Variants in ASTN2 observed in about 807,000 individuals in gnomAD.
ASTN2 encodes astrotactin-2.
ASTN2 carries 54 observed loss-of-function variants against 139.8 expected under a neutral mutation model. The observed-to-expected ratio is 0.39, with a 90% CI of 0.31 to 0.48. The LOEUF is 0.48. Among genes scored for constraint, ASTN2 ranks in the 20% least tolerant of loss-of-function variants. ASTN2 has a pLI of 0.95. For synonymous variants in ASTN2, 756 were observed against 719.5 expected, an observed-to-expected ratio of 1.05 and a Z score of -0.81; for missense variants, 1,565 against 1,725.1, an observed-to-expected ratio of 0.91 and a Z score of 1.64.
chr9:117,234,403 C>G (rs1002083985), intron 2 of ASTN2, among the ~76,000 whole-genome samples: 2 of 152,176 alleles, frequency 1.3e-5, no homozygotes, highest in Non-Finnish European at 2.9e-5. Context: ...CTGAACCGGC[C>G]ATGTGTCTCC....
intron 10 of ASTN2, among the ~76,000 whole-genome samples, chr9:116,918,805 T>C (rs1834522409): frequency 6.6e-6 from 1 of 152,228 alleles, no homozygotes; most frequent in Admixed American, 6.5e-5. Context: ...TACAGTCTTA[T>C]AAACATAAGT....
chr9:117,358,072 C>T (rs1337502225), intron 1 of ASTN2, among the ~76,000 whole-genome samples: 2 of 152,124 alleles, frequency 1.3e-5, no homozygotes. Flanking sequence ...CTATCCCAGA[C>T]CCCGATATGG....
intron 10 of ASTN2, among the ~76,000 whole-genome samples, chr9:116,909,709 G>A (rs1398033160): frequency 1.3e-5 from 2 of 152,192 alleles, no homozygotes; most frequent in African/African-American, 2.4e-5. Flanking sequence ...AGCAGGGAGA[G>A]TGAGCTGCCT....
At chr9:116,671,601 A>G (rs1208401440) in intron 16 of ASTN2, among the ~76,000 whole-genome samples, 3 of 152,174 alleles carry the variant, frequency 2.0e-5, no homozygotes, top group Non-Finnish European at 4.4e-5. Flanking sequence ...GCTCCCAAGC[A>G]ACAGAATATG....
intron 1 of ASTN2, among the ~76,000 whole-genome samples, chr9:117,409,271 T>G (rs567977731): frequency 1.3e-5 from 2 of 152,280 alleles, no homozygotes; most frequent in South Asian, 4.1e-4. Flanking sequence ...TGACTATTTA[T>G]AAGGATTTTT....
chr9:117,211,702 A>G (rs1160704455), intron 3 of ASTN2, among the ~76,000 whole-genome samples: 3 of 152,164 alleles, frequency 2.0e-5, no homozygotes, highest in Non-Finnish European at 4.4e-5. Flanking sequence ...AAAAATTCGG[A>G]AAAGTTCTAG....
intron 1 of ASTN2, among the ~76,000 whole-genome samples, chr9:117,364,950 A>AACACACACACACAC (rs71379275): frequency 2.5e-5 from 3 of 121,462 alleles, no homozygotes; most frequent in African/African-American, 9.7e-5. Context: ...CCATCTCTAC[A>AACACACACACACAC]ACACACACAC....
chr9:117,065,684 T>A (rs770681226), intron 5 of ASTN2, among the ~76,000 whole-genome samples: 1 of 152,182 alleles, frequency 6.6e-6, no homozygotes, highest in Non-Finnish European at 1.5e-5. Context: ...TATAAACAAG[T>A]GACCTAATCC....
intron 2 of ASTN2, among the ~76,000 whole-genome samples, chr9:117,260,808 A>AC (rs1833804446): frequency 6.6e-6 from 1 of 152,200 alleles, no homozygotes. Flanking sequence ...CCCAATAGGC[A>AC]CATACCATGT....
intron 3 of ASTN2, among the ~76,000 whole-genome samples, chr9:117,207,646 A>G (rs185221375): frequency 3.6e-4 from 55 of 152,022 alleles, no homozygotes; most frequent in Non-Finnish European, 1.2e-4. Context: ...CCACATTCTG[A>G]GCCTGAGAAA....
At chr9:117,400,583 G>C (rs1447538337) in intron 1 of ASTN2, among the ~76,000 whole-genome samples, 6 of 152,182 alleles carry the variant, frequency 3.9e-5, no homozygotes, top group African/African-American at 1.4e-4. Flanking sequence ...AGTAATTGAA[G>C]AAGATTCCCT....
chr9:116,778,531 C>T (rs1027564048), intron 13 of ASTN2, among the ~76,000 whole-genome samples: 2 of 152,026 alleles, frequency 1.3e-5, no homozygotes, highest in Non-Finnish European at 2.9e-5. Context: ...GCTGAAGATA[C>T]CCTCCATGGT....
At chr9:117,008,318 T>C (rs1384569259) in intron 6 of ASTN2, 59 bp from the exon 7 acceptor site, 1 of 1,457,742 alleles carries the variant, frequency 6.9e-7, no homozygotes, top group African/African-American at 1.4e-5. Flanking sequence ...TAGCTGATGC[T>C]ACAGAACACA....
chr9:116,942,784 T>G (rs1228433687), intron 10 of ASTN2, among the ~76,000 whole-genome samples: 1 of 152,196 alleles, frequency 6.6e-6, no homozygotes, highest in Non-Finnish European at 1.5e-5. Context: ...AGAGGCCAAG[T>G]TCAGCCCAAT....
intron 16 of ASTN2, among the ~76,000 whole-genome samples, chr9:116,659,148 GT>G (rs1858406438): frequency 6.6e-6 from 1 of 151,914 alleles, no homozygotes; most frequent in African/African-American, 2.4e-5. Flanking sequence ...GAACTGAATC[GT>G]TTATATCCTC....
intron 6 of ASTN2, among the ~76,000 whole-genome samples, chr9:117,016,715 A>T (rs1190134036): frequency 7.0e-6 from 1 of 142,096 alleles, no homozygotes; most frequent in African/African-American, 2.7e-5. Context: ...TATATAGGTT[A>T]TATATATATG....
rs764437399 is a variant in ASTN2, at chr9:116,516,337, T to A, written c.3356-28837A>T. On this transcript the variant is annotated intron_variant, in intron 19 of 22. Transcript: ENST00000313400. ...CCTGCTGGAGGTAGCAGCTAACATG[T>A]TTGAGAGATCAAAAAGATACTATTA... Among the ~76,000 whole-genome samples the A allele has an allele frequency of 2.9e-4, 44 of 152,272 alleles. No individual in the cohort carries two copies. The South Asian group carries it at 2.9e-3, about 10-fold the overall frequency.
chr9:116,790,976 AAAG>A (rs1334451546), intron 13 of ASTN2, among the ~76,000 whole-genome samples: 25 of 58,270 alleles, frequency 4.3e-4, no homozygotes, highest in African/African-American at 9.2e-4. Context: ...GGAAAGAAAG[AAAG>A]AAAGAAAGAA....
At chr9:117,386,497 A>C (rs1588002544) in intron 1 of ASTN2, among the ~76,000 whole-genome samples, 1 of 151,856 alleles carries the variant, frequency 6.6e-6, no homozygotes, top group Admixed American at 6.6e-5. Context: ...GCCTTAATAC[A>C]CCTCAGGAGC....
Sources: allele counts gnomAD v4.1 joint callset (sites outside exome capture counted in the v4.1 genomes callset), GRCh38; gene constraint gnomAD v4.1.1; transcripts MANE v1.5; gene names NCBI Gene and HGNC (gene_info 2026-07-23, HGNC 2026-07-21).